The following USP12 variants were observed in gnomAD, a reference collection of about 807,000 sequenced individuals.
USP12 encodes the protein ubiquitin specific peptidase 12.
A neutral mutation model predicts 45.5 loss-of-function variants in USP12; 19 were observed. That is an observed-to-expected ratio of 0.42 (90% CI 0.29 to 0.61). The LOEUF (loss-of-function observed/expected upper bound fraction) is 0.61. Among genes scored for constraint, USP12 ranks in the 20% least tolerant of loss-of-function variants. USP12 has a pLI of 0.22. For missense variants in USP12, 242 were observed against 447.7 expected (o/e 0.54, Z 4.15); for synonymous variants, 149 against 148.8 (o/e 1.00, Z -0.01).
rs1251649104 is a variant in USP12, at chr13:27,072,127, A to T, written c.933-978T>A. Among the ~76,000 whole-genome samples the T allele has an allele frequency of 2.0e-5, 3 of 151,944 alleles. No homozygotes were observed. The East Asian group carries it at 5.8e-4, about 29-fold the overall frequency. ...ACTTTTTTTTTTTTAACTATGGAGGATGACACATCAAAACTTTTTCTTAAA... is the reference window on the plus strand; with the variant it reads ...ACTTTTTTTTTTTTAACTATGGAGGTTGACACATCAAAACTTTTTCTTAAA... On this transcript the variant is annotated intron_variant, in intron 7 of 8. Coordinates refer to ENST00000282344, the MANE Select transcript of USP12 (RefSeq NM_182488.4).
chr13:27,161,784 A>C (rs1878117348), intron 1 of USP12, among the ~76,000 whole-genome samples: 2 of 152,066 alleles, frequency 1.3e-5, no homozygotes, highest in Non-Finnish European at 2.9e-5. Flanking sequence ...TGGGAGGCTC[A>C]GGCAGGAGGA....
chr13:27,071,983 T>C (rs1873263526), intron 7 of USP12, among the ~76,000 whole-genome samples: 2 of 152,192 alleles, frequency 1.3e-5, no homozygotes, highest in Non-Finnish European at 2.9e-5. Flanking sequence ...GTGAACACTA[T>C]TTTAAAAGTA....
intron 3 of USP12, among the ~76,000 whole-genome samples, chr13:27,102,088 T>A (rs907079802): frequency 6.6e-6 from 1 of 152,162 alleles, no homozygotes; most frequent in Non-Finnish European, 1.5e-5. Context: ...GAAAAGTAGA[T>A]CTGCCCCCAA....
chr13:27,142,196 G>C (rs1311212514), intron 1 of USP12, among the ~76,000 whole-genome samples: 1 of 152,042 alleles, frequency 6.6e-6, no homozygotes, highest in Non-Finnish European at 1.5e-5. Context: ...CAGTAGAAAT[G>C]GTCTGCTAAA....
At chr13:27,093,073 G>C (rs980771502) in intron 4 of USP12, among the ~76,000 whole-genome samples, 2 of 151,822 alleles carry the variant, frequency 1.3e-5, no homozygotes, top group African/African-American at 4.8e-5. Context: ...GCGCGTGCCT[G>C]TAATCCTGGC....
At chr13:27,147,903 G>T in intron 1 of USP12, among the ~76,000 whole-genome samples, 1 of 151,968 alleles carries the variant, frequency 6.6e-6, no homozygotes, top group East Asian at 1.9e-4. Flanking sequence ...TGAGGACGGA[G>T]GATCACTGGA....
In USP12 at chr13:27,155,293, A is replaced by G. The variant is rs527572176; in HGVS notation, c.48+16299T>C. On this transcript the variant is annotated intron_variant, in intron 1 of 8. Coordinates refer to ENST00000282344, the MANE Select transcript of USP12 (RefSeq NM_182488.4). ...AGACAGGGTTTCACCATGTTGGCCA[A>G]GATGGTCTTGATCTCCTGACCTCGT... Among the ~76,000 whole-genome samples the G allele has an allele frequency of 2.3e-3, 354 of 151,744 alleles. 1 individual carries two copies. Among genetic ancestry groups the G allele is most frequent in the Middle Eastern group, 3.4e-3 (1 of 292 alleles).
At chr13:27,070,397 G>T (rs962983479) in intron 8 of USP12, among the ~76,000 whole-genome samples, 15 of 152,194 alleles carry the variant, frequency 9.9e-5, no homozygotes, top group African/African-American at 3.6e-4. Context: ...AGTTACAAAT[G>T]TGAGTGTGTG....
At chr13:27,112,240 C>T (rs1875484368) in intron 2 of USP12, among the ~76,000 whole-genome samples, 1 of 151,860 alleles carries the variant, frequency 6.6e-6, no homozygotes. Flanking sequence ...TGAATCATCA[C>T]ATAAAACACT....
At chr13:27,152,235 G>T (rs181317889) in intron 1 of USP12, among the ~76,000 whole-genome samples, 86 of 152,232 alleles carry the variant, frequency 5.6e-4, no homozygotes, top group Non-Finnish European at 5.9e-5. Flanking sequence ...TGGCCCAAAT[G>T]TCCATCAACG....
At position 27,116,498 on chromosome 13, in the gene USP12, G is replaced by C. The variant is rs760881635; in HGVS notation, c.129+18C>G. On this transcript the variant is annotated intron_variant, in intron 2 of 8. Coordinates refer to ENST00000282344, the MANE Select transcript of USP12 (RefSeq NM_182488.4). Reference sequence around the variant, plus strand: ...TGCTTCCGAACATGATTCTAAAAGCGTATCAATGGATACTTACATTGACTA... The same window carrying C: ...TGCTTCCGAACATGATTCTAAAAGCCTATCAATGGATACTTACATTGACTA... The C allele has an allele frequency of 1.1e-5, 18 of 1,608,824 alleles. No homozygotes were observed. In the East Asian group the frequency reaches 3.6e-4, roughly 32 times the overall value.
At chr13:27,110,651 A>G (rs1593189917) in intron 2 of USP12, among the ~76,000 whole-genome samples, 1 of 152,230 alleles carries the variant, frequency 6.6e-6, no homozygotes, top group Admixed American at 6.5e-5. Flanking sequence ...AAGCGTACTG[A>G]TATCAATGAT....
chr13:27,160,810 A>C (rs1168164795), intron 1 of USP12, among the ~76,000 whole-genome samples: 6 of 151,026 alleles, frequency 4.0e-5, no homozygotes, highest in Admixed American at 4.0e-4. Context: ...CTTCAACCTT[A>C]AGTTACAGGG....
intron 6 of USP12, among the ~76,000 whole-genome samples, chr13:27,084,954 T>C (rs1873944652): frequency 2.0e-5 from 3 of 152,228 alleles, no homozygotes; most frequent in Admixed American, 1.3e-4. Context: ...GGGACTGCAC[T>C]GAATCTCTAG....
At chr13:27,106,608 G>T (rs144170369) in intron 2 of USP12, among the ~76,000 whole-genome samples, 4 of 152,114 alleles carry the variant, frequency 2.6e-5, no homozygotes, top group Non-Finnish European at 5.9e-5. Flanking sequence ...TCTACTATGG[G>T]GTGAAATCAA....
intron 1 of USP12, among the ~76,000 whole-genome samples, chr13:27,168,641 A>G (rs1028586836): frequency 6.6e-6 from 1 of 152,226 alleles, no homozygotes; most frequent in African/African-American, 2.4e-5. Flanking sequence ...AATTAAAAAC[A>G]GGTATTTCAA....
In USP12 at chr13:27,116,540, A is replaced by G. The variant is rs757564052; in HGVS notation, c.105T>C (p.Asn35=). The change falls in exon 2 of 9, where the codon AAT becomes AAC. Residue 35 remains asparagine, a synonymous_variant. Coordinates refer to ENST00000282344, the MANE Select transcript of USP12 (RefSeq NM_182488.4). ...KEIGPEQFPV[N]EHYFGLVNFG... ...CATTGACTAATCCAAAATAGTGCTC[A>G]TTGACCGGAAACTGTTCTGGACCAA... 1.5e-5 allele frequency: 25 copies of G among 1,613,520 alleles called. No individual in the cohort carries two copies. The highest frequency in any genetic ancestry group is 2.1e-5 in the Non-Finnish European group (25 of 1,179,906).
chr13:27,121,944 G>A (rs1876011881), intron 1 of USP12, among the ~76,000 whole-genome samples: 1 of 152,104 alleles, frequency 6.6e-6, no homozygotes, highest in Non-Finnish European at 1.5e-5. Flanking sequence ...GCAATGAATT[G>A]ATTATAAGAA....
At chr13:27,161,264 A>T (rs1878094112) in intron 1 of USP12, among the ~76,000 whole-genome samples, 1 of 152,244 alleles carries the variant, frequency 6.6e-6, no homozygotes, top group Non-Finnish European at 1.5e-5. Context: ...CTTCAAAGTT[A>T]TAACGGCTAG....
Sources: gnomAD v4.1 joint callset for allele counts (sites outside exome capture counted in the v4.1 genomes callset) on GRCh38, gnomAD v4.1.1 for gene constraint, MANE v1.5 for transcripts, NCBI Gene and HGNC (gene_info 2026-07-23, HGNC 2026-07-21) for gene names.